PTPRD: variants seen among roughly 807,000 people sequenced by gnomAD.
The protein encoded by PTPRD is protein tyrosine phosphatase receptor type D.
Under a neutral mutation model 214.5 loss-of-function variants are expected in PTPRD, and 34 were observed. The ratio of observed to expected loss-of-function variants is 0.16; its 90% CI spans 0.12 to 0.21. PTPRD has a LOEUF of 0.21. Among genes scored for constraint, PTPRD ranks in the 10% least tolerant of loss-of-function variants. PTPRD has a pLI of 1.00. For missense variants in PTPRD, 2,545 were observed against 2,398.7 expected (o/e 1.06, Z -1.27); for synonymous variants, 1,128 against 845.7 (o/e 1.33, Z -5.79).
chr9:9,631,133 C>G (rs1339585541), intron 7 of PTPRD, among the ~76,000 whole-genome samples: 1 of 151,434 alleles, frequency 6.6e-6, no homozygotes, highest in Non-Finnish European at 1.5e-5. Flanking sequence ...TTCTGCTACT[C>G]CTTAGCTGTG....
At chr9:9,333,624 G>T (rs184558702) in intron 9 of PTPRD, among the ~76,000 whole-genome samples, 153 of 150,904 alleles carry the variant, frequency 1.0e-3, no homozygotes, top group African/African-American at 3.6e-3. Flanking sequence ...ATGTAAAGAA[G>T]ATCTGAAACT....
At chr9:8,516,353 T>C (rs2097780800) in intron 21 of PTPRD, among the ~76,000 whole-genome samples, 1 of 152,198 alleles carries the variant, frequency 6.6e-6, no homozygotes, top group African/African-American at 2.4e-5. Context: ...AGACATATTT[T>C]TATAGCTGGC....
At chr9:10,520,587 T>G (rs559401167) in intron 2 of PTPRD, among the ~76,000 whole-genome samples, 1 of 152,198 alleles carries the variant, frequency 6.6e-6, no homozygotes, top group Non-Finnish European at 1.5e-5. Context: ...CAGACTTCTA[T>G]TGGAAGAAGC....
chr9:10,226,117 A>C (rs865791726), intron 3 of PTPRD, among the ~76,000 whole-genome samples: 3 of 152,044 alleles, frequency 2.0e-5, no homozygotes, highest in Admixed American at 6.6e-5. Context: ...TCCATTGTCC[A>C]GTGGTCAGCC....
chr9:9,485,621 G>T (rs1361546840), intron 8 of PTPRD, among the ~76,000 whole-genome samples: 1 of 152,070 alleles, frequency 6.6e-6, no homozygotes, highest in African/African-American at 2.4e-5. Flanking sequence ...AATAAGATCT[G>T]CTCAATTTTA....
chr9:9,006,165 T>C (rs1360842344), intron 11 of PTPRD, among the ~76,000 whole-genome samples: 2 of 151,938 alleles, frequency 1.3e-5, no homozygotes, highest in Admixed American at 6.6e-5. Flanking sequence ...CACATGAATT[T>C]AGCTGTTAAA....
intron 12 of PTPRD, among the ~76,000 whole-genome samples, chr9:8,641,038 G>C (rs1484691469): frequency 6.8e-6 from 1 of 147,934 alleles, no homozygotes; most frequent in Admixed American, 6.6e-5. Flanking sequence ...ATTCTCAGAG[G>C]GATATAACAA....
chr9:10,382,086 A>G (rs1443503094), intron 2 of PTPRD, among the ~76,000 whole-genome samples: 1 of 151,808 alleles, frequency 6.6e-6, no homozygotes, highest in Non-Finnish European at 1.5e-5. Context: ...ATTCACTGTC[A>G]TTGCTATTTC....
intron 3 of PTPRD, among the ~76,000 whole-genome samples, chr9:10,263,215 T>C: frequency 6.6e-6 from 1 of 152,220 alleles, no homozygotes; most frequent in East Asian, 1.9e-4. Flanking sequence ...AATAGGGTGT[T>C]GCTGTAAAGT....
intron 2 of PTPRD, among the ~76,000 whole-genome samples, chr9:10,494,303 C>T (rs538056011): frequency 6.6e-6 from 1 of 151,730 alleles, no homozygotes; most frequent in Non-Finnish European, 1.5e-5. Context: ...TGATTACATG[C>T]ATTTCTATTT....
intron 5 of PTPRD, among the ~76,000 whole-genome samples, chr9:9,856,026 A>G (rs1599877194): frequency 2.6e-5 from 4 of 152,322 alleles, no homozygotes; most frequent in Admixed American, 6.5e-5. Context: ...GAGTGGAAGA[A>G]TGGTAAATGC....
At chr9:8,642,389 A>G (rs1595899550) in intron 12 of PTPRD, among the ~76,000 whole-genome samples, 1 of 152,238 alleles carries the variant, frequency 6.6e-6, no homozygotes, top group Non-Finnish European at 1.5e-5. Flanking sequence ...GCTGTTTGTC[A>G]TAACAATGTA....
At chr9:9,595,287 AT>A (rs975127546) in intron 7 of PTPRD, among the ~76,000 whole-genome samples, 37 of 1,558 alleles carry the variant, frequency 0.024, 1 homozygote, top group African/African-American at 0.042. Flanking sequence ...TTATATATAT[AT>A]TATATATATA....
At chr9:8,530,650 A>G (rs1380269387) in intron 14 of PTPRD, among the ~76,000 whole-genome samples, 2 of 152,096 alleles carry the variant, frequency 1.3e-5, no homozygotes, top group Admixed American at 1.3e-4. Context: ...TCCTAAGCCT[A>G]AGTATGAATA....
At chr9:10,057,326 G>A (rs1281686737) in intron 3 of PTPRD, among the ~76,000 whole-genome samples, 2 of 152,114 alleles carry the variant, frequency 1.3e-5, no homozygotes, top group African/African-American at 4.8e-5. Context: ...TTTAACAGAG[G>A]AAATTTAATG....
chr9:9,115,142 T>G (rs371495922), intron 10 of PTPRD, among the ~76,000 whole-genome samples: 9 of 152,164 alleles, frequency 5.9e-5, no homozygotes, highest in African/African-American at 2.2e-4. Flanking sequence ...AAGGTATTTC[T>G]GGTGGTTATT....
At chr9:9,747,537 TTG>T (rs1172035252) in intron 6 of PTPRD, among the ~76,000 whole-genome samples, 22 of 68,406 alleles carry the variant, frequency 3.2e-4, no homozygotes, top group Admixed American at 2.1e-3. Flanking sequence ...TGAATCTTTT[TTG>T]TTTTTTTTTT....
intron 12 of PTPRD, among the ~76,000 whole-genome samples, chr9:8,658,973 T>C (rs1477785977): frequency 1.3e-5 from 2 of 152,144 alleles, no homozygotes; most frequent in Non-Finnish European, 2.9e-5. Flanking sequence ...TCTCCTCTAA[T>C]CGTTCATGAT....
chr9:10,184,341 C>G (rs2099318311), intron 3 of PTPRD, among the ~76,000 whole-genome samples: 1 of 152,136 alleles, frequency 6.6e-6, no homozygotes, highest in African/African-American at 2.4e-5. Flanking sequence ...ATGAGAATCA[C>G]TTGAACCCGG....
Sources: gnomAD v4.1 joint callset for allele counts (sites outside exome capture counted in the v4.1 genomes callset) on GRCh38, gnomAD v4.1.1 for gene constraint, MANE v1.5 for transcripts, NCBI Gene and HGNC (gene_info 2026-07-23, HGNC 2026-07-21) for gene names.